WDR81: variants seen among roughly 807,000 people sequenced by gnomAD.
WDR81 encodes WD repeat-containing protein 81.
A neutral mutation model predicts 140.8 loss-of-function variants in WDR81; 92 were observed. The observed-to-expected ratio is 0.65, with a 90% CI of 0.55 to 0.78. The LOEUF (loss-of-function observed/expected upper bound fraction) is 0.78. WDR81 is among the 30% of genes least tolerant of loss of function. The probability of loss-of-function intolerance (pLI) is 0.00; values close to 1 mark genes in which losing one functional copy is unlikely to be tolerated. For synonymous variants in WDR81, 1,183 were observed against 1,156.4 expected (o/e 1.02, Z -0.47); for missense variants, 2,502 against 2,636.4 (o/e 0.95, Z 1.12).
At chr17:1,721,346 C>T (rs12325977), upstream of WDR81, among the ~76,000 whole-genome samples, 22,000 of 139,272 alleles carry the variant, frequency 0.16, 1,944 homozygotes, top group Non-Finnish European at 0.21. Context: ...GCAACAAGAG[C>T]GAAACTTTGT....
intron 6 of WDR81, chr17:1,733,112 G>T: frequency 2.1e-6 from 1 of 481,858 alleles, no homozygotes; most frequent in Non-Finnish European, 3.6e-6. Context: ...GCTGGCGAGA[G>T]GGAAGGAGTG....
Position 1,727,908 on chromosome 17 carries a change from C to T in WDR81, c.2949C>T (p.Tyr983=), listed in dbSNP as rs1915399941. 6.4e-7 allele frequency: 1 copy of T among 1,550,618 alleles called. No individual in the cohort carries two copies. The highest frequency in any genetic ancestry group is 2.0e-5 in the Admixed American group (1 of 50,998). Residue 983 remains tyrosine (Y), a synonymous_variant, in exon 1 of 10, where the codon TAC becomes TAT. Coordinates refer to ENST00000409644, the MANE Select transcript of WDR81 (RefSeq NM_001163809.2). The part of the protein sequence containing the change: ...PCQLHGRFYL[Y]TDCFVAQLMV... Reference sequence around the variant, plus strand: ...AGCTACACGGCCGCTTCTACCTGTACACGGACTGCTTTGTGGCCCAGCTGA... The same window carrying T: ...AGCTACACGGCCGCTTCTACCTGTATACGGACTGCTTTGTGGCCCAGCTGA...
At chr17:1,722,915 G>A (rs971225705), upstream of WDR81, among the ~76,000 whole-genome samples, 4 of 152,056 alleles carry the variant, frequency 2.6e-5, no homozygotes, top group African/African-American at 9.6e-5. Context: ...GGCTGGTCTT[G>A]AACTCCTGAC....
chr17:1,716,550 A>G (rs147802376), exon 1 of WDR81: 2 of 1,550,750 alleles, frequency 1.3e-6, no homozygotes, highest in Non-Finnish European at 1.7e-6. Flanking sequence ...AGCAGGCGAA[A>G]GCCACGGCGT....
At chr17:1,732,633 A>G (rs776459882) in intron 5 of WDR81, 33 bp from the exon 6 acceptor site, 10 of 1,580,338 alleles carry the variant, frequency 6.3e-6, no homozygotes, top group Admixed American at 3.5e-5. Context: ...GGAGCTGTGG[A>G]CCCGGCTGAC....
chr17:1,724,764 C>T lies in WDR81; in HGVS notation c.-196C>T, dbSNP rs1183643309. ...CCGGCAGCCTCTGCCCCGCCGCGCC[C>T]GGAGCGCAGGACCCGCGGAGGGGTA... On this transcript the variant is annotated 5_prime_UTR_variant, in exon 1 of 10. Coordinates refer to ENST00000409644, the MANE Select transcript of WDR81 (RefSeq NM_001163809.2). 8.7e-6 allele frequency: 10 copies of T among 1,146,804 alleles called. No individual in the cohort carries two copies. Among genetic ancestry groups the T allele is most frequent in the Non-Finnish European group, 1.1e-5 (10 of 933,708 alleles). 71.0% of individuals were successfully genotyped at this position (1,146,804 alleles called of 1,614,324 possible). A position where few individuals can be genotyped will look rare whatever the true frequency, so the allele number is the denominator to read the frequency against.
rs1391119655 is a variant in WDR81 at position 1,734,005 on chromosome 17, C to T, written c.4968C>T (p.Pro1656=). The change falls in exon 7 of 10, where the codon CCC becomes CCT. Residue 1656 remains proline (P), a synonymous_variant. Transcript: ENST00000409644. ...GHSGAVKCVA[P]LSSEDFFLSG... ...CGGGGGCCGTCAAGTGCGTGGCACC[C>T]CTAAGCAGCGAGGACTTCTTCCTGA... The T allele has an allele frequency of 1.2e-6, 2 of 1,612,766 alleles. No homozygotes were observed. Among genetic ancestry groups the T allele is most frequent in the South Asian group, 2.2e-5 (2 of 91,078 alleles).
rs994148145 is a variant in WDR81 at position 1,735,918 on chromosome 17, G to A, written c.5326-121G>A. 5 of 1,427,264 alleles carry A rather than the reference G, an allele frequency of 3.5e-6. No homozygotes were observed. In the African/African-American group the frequency reaches 5.7e-5, roughly 16 times the overall value. The allele number at this position is 1,427,264 out of a possible 1,614,324, so 88.4% of individuals were successfully genotyped here. A position where few individuals can be genotyped will look rare whatever the true frequency, so the allele number is the denominator to read the frequency against. On this transcript the variant is annotated intron_variant, in intron 8 of 9. Coordinates refer to ENST00000409644, the MANE Select transcript of WDR81 (RefSeq NM_001163809.2). This position sits in a 1 kb window ranked among gnomAD's most constrained non-coding sequence, Gnocchi z 4.2. Reference sequence around the variant, plus strand: ...GGGGGTGGGGTTCTGGGCTTTTCATGCCCCCTGATGAGGGTCAGAGGCTCA... The same window carrying A: ...GGGGGTGGGGTTCTGGGCTTTTCATACCCCCTGATGAGGGTCAGAGGCTCA...
chr17:1,732,259 G>T, intron 4 of WDR81, 66 bp from the exon 5 acceptor site: 6 of 1,567,330 alleles, frequency 3.8e-6, no homozygotes, highest in Non-Finnish European at 3.5e-6. Flanking sequence ...AATAAATAAA[G>T]ATTTTGCTAG....
At chr17:1,737,331 A>G in intron 9 of WDR81, 34 bp from the exon 10 acceptor site, 1 of 1,563,788 alleles carries the variant, frequency 6.4e-7, no homozygotes, top group East Asian at 2.2e-5. Flanking sequence ...AGAAGGACCC[A>G]GGCTCCTGCT....
Position 1,735,566 on chromosome 17 carries a change from TCC to T in WDR81, c.5180-4_5180-3del, listed in dbSNP as rs1904790620. The T allele has an allele frequency of 6.2e-7, 1 of 1,600,050 alleles. No individual in the cohort carries two copies. Among genetic ancestry groups the T allele is most frequent in the African/African-American group, 1.3e-5 (1 of 74,640 alleles). On this transcript the variant is annotated splice_region_variant and splice_polypyrimidine_tract_variant and intron_variant, in intron 7 of 9. Transcript: ENST00000409644. This position sits in a 1 kb window ranked among gnomAD's most constrained non-coding sequence, Gnocchi z 4.2. ...ACCCCAGATCCACTGTGACTTTCCT[TCC>T]CAGGGAAGACCCTTCGCACAGTGGA...
At chr17:1,733,475 A>C (rs935884353) in intron 6 of WDR81, 52 bp from the exon 7 acceptor site, 1 of 1,487,488 alleles carries the variant, frequency 6.7e-7, no homozygotes, top group African/African-American at 1.4e-5. Flanking sequence ...GATGGGTGAT[A>C]GCAGCCGCCT....
intron 5 of WDR81, 46 bp downstream of exon 5, chr17:1,732,536 G>A: frequency 1.3e-6 from 2 of 1,598,532 alleles, no homozygotes; most frequent in Non-Finnish European, 1.7e-6. Flanking sequence ...GGGGGCTGTG[G>A]ACCTGGGTGA....
rs577299299 is a variant in WDR81, at chr17:1,731,161, G to C, written c.4060G>C (p.Val1354Leu). ...AAVTLTQKIIVYLSDTTLMDI... is the reference protein window; with the variant it reads ...AAVTLTQKIILYLSDTTLMDI... The stretch of plus-strand genomic sequence containing the variant: ...GGTGACGCTGACTCAGAAGATCATC[G>C]TGTACCTCTCAGACACCACACTCAT... Residue 1354 changes from valine to leucine, a missense_variant, in exon 4 of 10, where the codon GTG becomes CTG. Val to Leu is a conservative substitution (Grantham distance 32). Coordinates refer to ENST00000409644, the MANE Select transcript of WDR81 (RefSeq NM_001163809.2). 5.0e-6 allele frequency: 8 copies of C among 1,613,484 alleles called. No individual in the cohort carries two copies. In the South Asian group the frequency reaches 6.6e-5, roughly 13 times the overall value.
Position 1,727,517 on chromosome 17 carries a change from A to C in WDR81, c.2558A>C (p.Gln853Pro). 8 of 1,550,388 alleles carry C rather than the reference A, an allele frequency of 5.2e-6. No individual in the cohort carries two copies. In the South Asian group the frequency reaches 8.3e-5, roughly 16 times the overall value. The change falls in exon 1 of 10, where the codon CAG becomes CCG. Residue 853 changes from glutamine (Q) to proline (P), a missense_variant. Coordinates refer to ENST00000409644, the MANE Select transcript of WDR81 (RefSeq NM_001163809.2). Reference sequence around the variant, plus strand: ...CTGTTTGAGTACAGGCCTGTCTCCCAGGGCCTGCCCCCACCCTGCCCAAGC... The same window carrying C: ...CTGTTTGAGTACAGGCCTGTCTCCCCGGGCCTGCCCCCACCCTGCCCAAGC... ...DQLFEYRPVS[Q>P]GLPPPCPSQL...
intron 2 of WDR81, 67 bp from the exon 3 acceptor site, chr17:1,730,688 C>T: frequency 6.5e-7 from 1 of 1,527,118 alleles, no homozygotes; most frequent in Non-Finnish European, 8.8e-7. Flanking sequence ...GCCAGCACAG[C>T]CCTGCAGGGC....
Position 1,737,662 on chromosome 17 carries a change from G to T in WDR81, c.5803G>T (p.Gly1935Trp), listed in dbSNP as rs760283633. 6.2e-7 allele frequency: 1 copy of T among 1,611,008 alleles called. No homozygotes were observed. The highest frequency in any genetic ancestry group is 8.5e-7 in the Non-Finnish European group (1 of 1,179,538). Residue 1935 changes from glycine to tryptophan, a missense_variant, in exon 10 of 10, where the codon GGG becomes TGG. Around this residue, in one of 3 missense-constraint regions of WDR81, gnomAD observed 1,737 missense variants for 1,843.0 expected, o/e 0.94. Transcript: ENST00000409644. ...CCACCTCCTGCTGGGCTCAGACAACGGGGTTATCCGCCTCCTGGCATAGAC... is the reference window on the plus strand; with the variant it reads ...CCACCTCCTGCTGGGCTCAGACAACTGGGTTATCCGCCTCCTGGCATAGAC... ...KRHLLLGSDN[G>W]VIRLLA is the part of the protein sequence containing the mutation.
chr17:1,717,196 A>C, intron 1 of WDR81: 1 of 154,396 alleles, frequency 6.5e-6, no homozygotes, highest in South Asian at 1.8e-4. Context: ...TCGAAGGTGG[A>C]GACCAATGAG....
At chr17:1,721,960 C>T (rs1365805922), upstream of WDR81, among the ~76,000 whole-genome samples, 3 of 151,822 alleles carry the variant, frequency 2.0e-5, no homozygotes, top group Admixed American at 2.0e-4. Context: ...CCTGTCTCTA[C>T]TAAAATACAA....
Sources: gnomAD v4.1 joint callset for allele counts (sites outside exome capture counted in the v4.1 genomes callset) on GRCh38, gnomAD v4.1.1 for gene constraint, gnomAD v4.1.1 regional missense constraint, Gnocchi (gnomAD v3.1) non-coding constraint, MANE v1.5 for transcripts, NCBI Gene and HGNC (gene_info 2026-07-23, HGNC 2026-07-21) for gene names.